PAK3: variants seen among roughly 807,000 people sequenced by gnomAD.
PAK3 encodes p21 (RAC1) activated kinase 3.
A neutral mutation model predicts 41.0 loss-of-function variants in PAK3; 4 were observed. That is an observed-to-expected ratio of 0.10 (90% CI 0.05 to 0.22). The LOEUF (loss-of-function observed/expected upper bound fraction) is 0.22, where lower values mean the gene tolerates loss of function less well. PAK3 is among the 10% of genes least tolerant of loss of function. The pLI is 1.00. For synonymous variants in PAK3, 146 were observed against 139.6 expected (o/e 1.05, Z -0.32); for missense variants, 205 against 409.9 (o/e 0.50, Z 4.32).
At chrX:111,103,962 C>T (rs2093200065) in intron 4 of PAK3, among the ~76,000 whole-genome samples, 2 of 111,903 alleles carry the variant, frequency 1.8e-5, no homozygotes, top group African/African-American at 6.5e-5. Context: ...GAGTATTCAT[C>T]TTACCAGGAA....
At chrX:111,146,704 G>A (rs2093948499) in intron 6 of PAK3, 1 of 382,955 alleles carries the variant, frequency 2.6e-6, no homozygotes, top group Non-Finnish European at 4.6e-6. Flanking sequence ...CCCAAACTCT[G>A]GAGGCCCACG....
rs577092677 is a variant in PAK3 at position 110,997,584 on chromosome X, T to C, written c.-28+52956T>C. 3.6e-5 allele frequency among the ~76,000 whole-genome samples: 4 copies of C among 111,972 alleles called. No individual in the cohort carries two copies. The South Asian group carries it at 1.5e-3, about 42-fold the overall frequency. On this transcript the variant is annotated intron_variant, in intron 1 of 14. Transcript: ENST00000425146. ...AAGGATGATGCCATGGTTTTTAGCCTAGGCATCTATAATAATGGAGTTGCT... is the reference window on the plus strand; with the variant it reads ...AAGGATGATGCCATGGTTTTTAGCCCAGGCATCTATAATAATGGAGTTGCT...
chrX:110,947,325 G>A (rs762719201), intron 1 of PAK3, among the ~76,000 whole-genome samples: 48 of 111,868 alleles, frequency 4.3e-4, no homozygotes, highest in South Asian at 7.6e-4. Context: ...GGCACATAAA[G>A]GTCCTTTGTT....
chrX:111,132,161 A>G (rs2093728091), intron 5 of PAK3, among the ~76,000 whole-genome samples: 1 of 111,003 alleles, frequency 9.0e-6, no homozygotes, highest in Non-Finnish European at 1.9e-5. Context: ...GAAAGCATCT[A>G]TCATCCAGCT....
At chrX:111,192,690 T>C in intron 13 of PAK3, 72 bp downstream of exon 13, 1 of 557,117 alleles carries the variant, frequency 1.8e-6, no homozygotes, top group South Asian at 2.5e-5. Context: ...ATTACTTTAT[T>C]TGGGATTCGT....
chrX:111,202,604 C>T (rs1166852344), intron 16 of PAK3, among the ~76,000 whole-genome samples: 1 of 112,045 alleles, frequency 8.9e-6, no homozygotes, highest in Non-Finnish European at 1.9e-5. Context: ...AGACTTTAAA[C>T]AACTGTTATT....
intron 1 of PAK3, among the ~76,000 whole-genome samples, chrX:111,063,915 A>G (rs1299435021): frequency 9.0e-6 from 1 of 111,351 alleles, no homozygotes; most frequent in Non-Finnish European, 1.9e-5. Flanking sequence ...ATCAATGGAT[A>G]CCTCTACTGC....
chrX:111,073,986 G>A (rs1300995233), intron 1 of PAK3, among the ~76,000 whole-genome samples: 2 of 111,710 alleles, frequency 1.8e-5, no homozygotes, highest in Non-Finnish European at 1.9e-5. Flanking sequence ...AAATTCAACA[G>A]CACATTAAAA....
intron 11 of PAK3, among the ~76,000 whole-genome samples, chrX:111,176,185 C>T (rs370512902): frequency 6.3e-5 from 7 of 110,879 alleles, no homozygotes; most frequent in Admixed American, 9.7e-5. Context: ...CTGCCAACTC[C>T]GTCTCTGTGG....
intron 1 of PAK3, among the ~76,000 whole-genome samples, chrX:111,061,682 C>T: frequency 9.0e-6 from 1 of 111,651 alleles, no homozygotes; most frequent in Non-Finnish European, 1.9e-5. Context: ...CATTTTTGGT[C>T]AGATTTATTC....
chrX:111,226,927 G>A lies in PAK3; in HGVS notation c.*6480G>A, dbSNP rs1231061211. 3.6e-5 allele frequency: 4 copies of A among 112,141 alleles called. No individual in the cohort carries two copies. The highest frequency in any genetic ancestry group is 7.5e-5 in the Non-Finnish European group (4 of 53,235). The allele number at this position is 112,141 out of a possible 1,213,427, so 9.2% of individuals were successfully genotyped here. ...CAGCCAGGAGGAGCCAGATCACAGG[G>A]TAGTGATGTCTACTGGGATTATACT... On this transcript the variant is annotated 3_prime_UTR_variant, in exon 18 of 18. Transcript: ENST00000372007.
At chrX:110,945,833 C>T (rs1421212312) in intron 1 of PAK3, among the ~76,000 whole-genome samples, 3 of 111,744 alleles carry the variant, frequency 2.7e-5, no homozygotes, top group Non-Finnish European at 5.6e-5. Flanking sequence ...TAAACCTTCT[C>T]TTTGACATTT....
chrX:110,993,028 T>C (rs1184944080), intron 1 of PAK3, among the ~76,000 whole-genome samples: 1 of 111,559 alleles, frequency 9.0e-6, no homozygotes, highest in Non-Finnish European at 1.9e-5. Flanking sequence ...TTCCACTTTC[T>C]TAGTGACTCT....
chrX:111,152,507 A>G (rs2094043344), intron 8 of PAK3, 60 bp downstream of exon 8: 1 of 747,839 alleles, frequency 1.3e-6, no homozygotes. Flanking sequence ...TTAAGAGAAT[A>G]TAACTGCACA....
intron 11 of PAK3, among the ~76,000 whole-genome samples, chrX:111,175,421 T>C (rs2094394750): frequency 8.9e-6 from 1 of 112,233 alleles, no homozygotes; most frequent in Non-Finnish European, 1.9e-5. Context: ...AAAGAAAATA[T>C]ATTATGAAAA....
intron 11 of PAK3, among the ~76,000 whole-genome samples, chrX:111,174,517 C>T (rs1402371611): frequency 1.8e-5 from 2 of 111,622 alleles, no homozygotes; most frequent in Non-Finnish European, 3.8e-5. Context: ...CTAGAAGCTT[C>T]CTGTCACCGA....
chrX:110,946,327 C>A (rs978270707), intron 1 of PAK3, among the ~76,000 whole-genome samples: 3 of 85,509 alleles, frequency 3.5e-5, no homozygotes, highest in Non-Finnish European at 6.9e-5. Context: ...CAGAATGGGT[C>A]TTTCTGGTTT....
At chrX:110,988,131 A>G (rs1265132475) in intron 1 of PAK3, among the ~76,000 whole-genome samples, 2 of 112,817 alleles carry the variant, frequency 1.8e-5, no homozygotes, top group Non-Finnish European at 3.7e-5. Flanking sequence ...CCTTGTTAAA[A>G]CATACAGATT....
At chrX:110,985,435 C>T (rs989992045) in intron 1 of PAK3, among the ~76,000 whole-genome samples, 1 of 112,494 alleles carries the variant, frequency 8.9e-6, no homozygotes, top group East Asian at 2.8e-4. Context: ...TCACCTAGCA[C>T]AGTTCCTGGC....
Sources: gnomAD v4.1 joint callset for allele counts (sites outside exome capture counted in the v4.1 genomes callset) on GRCh38, gnomAD v4.1.1 for gene constraint, MANE v1.5 for transcripts, NCBI Gene and HGNC (gene_info 2026-07-23, HGNC 2026-07-21) for gene names.